Variants in MAP3K1 observed in about 807,000 individuals in gnomAD.
MAP3K1 encodes mitogen-activated protein kinase kinase kinase 1.
MAP3K1 carries 36 observed loss-of-function variants against 144.2 expected under a neutral mutation model. The ratio of observed to expected loss-of-function variants is 0.25; its 90% CI spans 0.19 to 0.33. MAP3K1 has a LOEUF of 0.33. Among genes scored for constraint, MAP3K1 ranks in the 10% least tolerant of loss-of-function variants. The probability of loss-of-function intolerance (pLI) is 1.00; values close to 1 mark genes in which losing one functional copy is unlikely to be tolerated. For missense variants in MAP3K1, 1,650 were observed against 1,881.9 expected (o/e 0.88, Z 2.28); for synonymous variants, 718 against 688.7 (o/e 1.04, Z -0.67).
rs1458478144 is a variant in MAP3K1 at position 56,882,105 on chromosome 5, T to C, written c.2905T>C (p.Ser969Pro). The stretch of plus-strand genomic sequence containing the variant: ...CAGACCCCACAGTCAGTGTTTGAAC[T>C]CCTCTCCTTTATCTCATCATTCCCA... Reference protein sequence around the residue: ...KGRPHSQCLNSSPLSHHSQLM... With the variant: ...KGRPHSQCLNPSPLSHHSQLM... The change falls in exon 14 of 20, where the codon TCC becomes CCC. Residue 969 changes from serine to proline, a missense_variant. By Grantham distance (74) the Ser-to-Pro change is moderately conservative. Coordinates refer to ENST00000399503, the MANE Select transcript of MAP3K1 (RefSeq NM_005921.2). 6.2e-7 allele frequency: 1 copy of C among 1,613,974 alleles called. No individual in the cohort carries two copies. Among genetic ancestry groups the C allele is most frequent in the East Asian group, 2.2e-5 (1 of 44,894 alleles).
At position 56,815,792 on chromosome 5, in the gene MAP3K1, G is replaced by C. The variant is rs971467068; in HGVS notation, c.219G>C (p.Leu73=). The change falls in exon 1 of 20, where the codon CTG becomes CTC. Residue 73 remains leucine, a synonymous_variant. Transcript: ENST00000399503. ...RKVRSVELDQ[L]PEQPLFLAAS... Reference sequence around the variant, plus strand: ...TGCGGAGTGTGGAGCTGGACCAGCTGCCTGAGCAGCCGCTCTTCCTTGCCG... The same window carrying C: ...TGCGGAGTGTGGAGCTGGACCAGCTCCCTGAGCAGCCGCTCTTCCTTGCCG... The C allele has an allele frequency of 7.0e-7, 1 of 1,420,922 alleles. No homozygotes were observed. The highest frequency in any genetic ancestry group is 9.2e-7 in the Non-Finnish European group (1 of 1,084,358). 88.0% of individuals were successfully genotyped at this position (1,420,922 alleles called of 1,614,324 possible).
intron 1 of MAP3K1, among the ~76,000 whole-genome samples, chr5:56,817,866 A>C (rs1029570407): frequency 6.6e-6 from 1 of 152,208 alleles, no homozygotes; most frequent in Admixed American, 6.5e-5. Flanking sequence ...GAAATTGTTT[A>C]ATGTTGTCTC....
intron 1 of MAP3K1, among the ~76,000 whole-genome samples, chr5:56,854,922 G>A (rs551300551): frequency 1.3e-5 from 2 of 152,168 alleles, no homozygotes; most frequent in African/African-American, 4.8e-5. Context: ...TTGCAACATT[G>A]TTACTGGAGG....
At chr5:56,883,877 G>C (rs1349293104) in intron 15 of MAP3K1, among the ~76,000 whole-genome samples, 198 bp downstream of exon 15, 1 of 152,168 alleles carries the variant, frequency 6.6e-6, no homozygotes, top group African/African-American at 2.4e-5. Context: ...GGCCACGCGT[G>C]GTGGCTCACA....
intron 9 of MAP3K1, among the ~76,000 whole-genome samples, chr5:56,874,504 T>C (rs1168085466): frequency 6.6e-6 from 1 of 152,236 alleles, no homozygotes; most frequent in African/African-American, 2.4e-5. Context: ...TTGTCTAGTT[T>C]TTTAAACCTT....
In MAP3K1 at chr5:56,816,253, C is replaced by T. The variant is rs565094461; in HGVS notation, c.482+198C>T. ...CCCGGACCCAGCCTGGGGGACCGGACGGGGACGTGCGGAAGAGTTTGTTAT... is the reference window on the plus strand; with the variant it reads ...CCCGGACCCAGCCTGGGGGACCGGATGGGGACGTGCGGAAGAGTTTGTTAT... On this transcript the variant is annotated intron_variant, in intron 1 of 19. Coordinates refer to ENST00000399503, the MANE Select transcript of MAP3K1 (RefSeq NM_005921.2). Among the ~76,000 whole-genome samples the T allele has an allele frequency of 9.9e-5, 15 of 152,042 alleles. No homozygotes were observed. In the South Asian group the frequency reaches 2.5e-3, roughly 25 times the overall value.
chr5:56,857,103 C>T (rs571647209), intron 2 of MAP3K1, among the ~76,000 whole-genome samples: 1 of 152,172 alleles, frequency 6.6e-6, no homozygotes, highest in South Asian at 2.1e-4. Context: ...AAGACAGGAT[C>T]CAAGGATCTT....
At chr5:56,858,757 T>A (rs832569) in intron 2 of MAP3K1, among the ~76,000 whole-genome samples, 117,646 of 152,060 alleles carry the variant, frequency 0.77, 45,860 homozygotes, top group Non-Finnish European at 0.82. Context: ...AAGGAATGTC[T>A]TGCTGGTAGA....
intron 1 of MAP3K1, among the ~76,000 whole-genome samples, chr5:56,851,242 G>A (rs1181611789): frequency 2.0e-5 from 3 of 152,142 alleles, no homozygotes; most frequent in Admixed American, 6.5e-5. Context: ...CACCGTGCCC[G>A]GCCAGGATTC....
At chr5:56,819,480 A>C (rs768112200) in intron 1 of MAP3K1, among the ~76,000 whole-genome samples, 2 of 152,150 alleles carry the variant, frequency 1.3e-5, no homozygotes, top group African/African-American at 2.4e-5. Context: ...TGAGTCGGCT[A>C]ATCAGTCCTT....
chr5:56,864,014 A>G (rs1747598267), intron 3 of MAP3K1, among the ~76,000 whole-genome samples: 2 of 152,208 alleles, frequency 1.3e-5, no homozygotes, highest in South Asian at 2.1e-4. Context: ...ATTTCCTGTT[A>G]AAGAAGATTA....
intron 14 of MAP3K1, among the ~76,000 whole-genome samples, chr5:56,883,227 A>G (rs1748281433): frequency 6.6e-6 from 1 of 152,164 alleles, no homozygotes; most frequent in Admixed American, 6.5e-5. Flanking sequence ...AAATAAACCT[A>G]ATTCAGAAAT....
At chr5:56,837,202 C>T (rs189277554) in intron 1 of MAP3K1, among the ~76,000 whole-genome samples, 14 of 152,084 alleles carry the variant, frequency 9.2e-5, no homozygotes, top group Non-Finnish European at 1.6e-4. Flanking sequence ...GCTTTTGCAT[C>T]TCCCCTCCCA....
chr5:56,816,186 C>G, intron 1 of MAP3K1, 131 bp downstream of exon 1: 1 of 950,546 alleles, frequency 1.1e-6, no homozygotes, highest in East Asian at 4.0e-5. Flanking sequence ...CCGGGACCTA[C>G]GCCCCTGAGC....
chr5:56,887,339 T>G lies in MAP3K1; in HGVS notation c.4115-39T>G, dbSNP rs755938099. 8.1e-6 allele frequency: 13 copies of G among 1,611,308 alleles called. No individual in the cohort carries two copies. The African/African-American group carries it at 1.5e-4, about 18-fold the overall frequency. On this transcript the variant is annotated intron_variant, in intron 17 of 19. Transcript: ENST00000399503. ...GGGCTTTTATCTGTCCTTATTTTTG[T>G]TTTTAACATACAAGGTCATTTGCTG... is the stretch of plus-strand genomic sequence containing the variant.
At chr5:56,876,980 T>G (rs1246356354) in intron 10 of MAP3K1, among the ~76,000 whole-genome samples, 3 of 152,204 alleles carry the variant, frequency 2.0e-5, no homozygotes, top group African/African-American at 4.8e-5. Flanking sequence ...CAGTTAAGAT[T>G]GGTGAACACT....
chr5:56,816,178 G>A lies in MAP3K1; in HGVS notation c.482+123G>A, dbSNP rs553453523. On this transcript the variant is annotated intron_variant, in intron 1 of 19. Coordinates refer to ENST00000399503, the MANE Select transcript of MAP3K1 (RefSeq NM_005921.2). ...GCAGCGAGGCTACGCGCCGCTCGCC[G>A]GGACCTACGCCCCTGAGCACCCCCC... 5 of 1,021,788 alleles carry A rather than the reference G, an allele frequency of 4.9e-6. No homozygotes were observed. In the South Asian group the frequency reaches 2.0e-4, roughly 40 times the overall value. The allele number at this position is 1,021,788 out of a possible 1,614,324, so 63.3% of individuals were successfully genotyped here.
chr5:56,851,278 C>T (rs1178356604), intron 1 of MAP3K1, among the ~76,000 whole-genome samples: 1 of 152,092 alleles, frequency 6.6e-6, no homozygotes, highest in East Asian at 1.9e-4. Context: ...ATGAAATGTC[C>T]CCTGTGTGCC....
chr5:56,835,504 C>G (rs918246375), intron 1 of MAP3K1, among the ~76,000 whole-genome samples: 4 of 151,862 alleles, frequency 2.6e-5, no homozygotes, highest in African/African-American at 9.7e-5. Flanking sequence ...AGCCAGTGGT[C>G]CGCAGTAGGG....
Sources: gnomAD v4.1 joint callset for allele counts (sites outside exome capture counted in the v4.1 genomes callset) on GRCh38, gnomAD v4.1.1 for gene constraint, MANE v1.5 for transcripts, NCBI Gene and HGNC (gene_info 2026-07-23, HGNC 2026-07-21) for gene names.